Variants in ZNF407 observed in about 807,000 individuals in gnomAD.
ZNF407 encodes the protein zinc finger protein 407.
A neutral mutation model predicts 131.2 loss-of-function variants in ZNF407; 17 were observed. That is an observed-to-expected ratio of 0.13 (90% confidence interval 0.09 to 0.19). The LOEUF is 0.19. ZNF407 is among the 10% of genes least tolerant of loss of function. The pLI, the probability that ZNF407 is intolerant of heterozygous loss-of-function variation, is 1.00. For missense variants in ZNF407, 2,681 were observed against 2,830.6 expected (o/e 0.95, Z 1.20); for synonymous variants, 1,156 against 1,062.0 (o/e 1.09, Z -1.72).
intron 3 of ZNF407, among the ~76,000 whole-genome samples, chr18:74,652,696 G>A (rs1044478499): frequency 2.6e-5 from 4 of 151,894 alleles, no homozygotes; most frequent in African/African-American, 7.3e-5. Context: ...ACAACTTCCC[G>A]AGGTGCTTCC....
intron 4 of ZNF407, among the ~76,000 whole-genome samples, chr18:74,864,492 A>G (rs1970982633): frequency 6.6e-6 from 1 of 152,168 alleles, no homozygotes; most frequent in Non-Finnish European, 1.5e-5. Flanking sequence ...TCCAGTTTTG[A>G]ATATGTCATT....
rs753216016 is a variant in ZNF407 at position 74,631,527 on chromosome 18, C to G, written c.508C>G (p.Pro170Ala). ...TCTGGAAAGAGAATCTCCTTTCCCC[C>G]CGAAAGAAATTAGTGTTAGTTGTAC... Reference protein sequence around the residue: ...LDLERESPFPPKEISVSCTIG... With the variant: ...LDLERESPFPAKEISVSCTIG... The change falls in exon 2 of 9, where the codon CCG (proline) becomes GCG (alanine). Residue 170 changes from proline (P) to alanine (A), a missense_variant. Physicochemically the swap from Pro to Ala is conservative, Grantham distance 27. This residue lies in a region of ZNF407 where 1,789 missense variants were observed against 1,748.7 expected (regional missense o/e 1.02). Coordinates refer to ENST00000299687, the MANE Select transcript of ZNF407 (RefSeq NM_017757.3). The G allele has an allele frequency of 4.3e-6, 7 of 1,613,802 alleles. No homozygotes were observed. In the East Asian group the frequency reaches 1.6e-4, roughly 36 times the overall value.
At chr18:74,693,638 A>G (rs1967282447) in intron 3 of ZNF407, among the ~76,000 whole-genome samples, 1 of 152,080 alleles carries the variant, frequency 6.6e-6, no homozygotes, top group South Asian at 2.1e-4. Context: ...GTTTCTGTTC[A>G]CTAAGATTTC....
intron 3 of ZNF407, among the ~76,000 whole-genome samples, chr18:74,779,109 A>ATTTTTT (rs869191171): frequency 1.2e-4 from 3 of 24,376 alleles, no homozygotes; most frequent in African/African-American, 4.2e-4. Flanking sequence ...ATATATATAT[A>ATTTTTT]TTTTTTTTTT....
chr18:74,777,749 C>CTT (rs1168993562), intron 3 of ZNF407, among the ~76,000 whole-genome samples: 1 of 88,042 alleles, frequency 1.1e-5, no homozygotes, highest in Middle Eastern at 6.4e-3. Flanking sequence ...CTCTCTCTCT[C>CTT]TCATTCACTC....
chr18:75,038,421 T>C (rs1973334859), intron 8 of ZNF407, among the ~76,000 whole-genome samples: 3 of 152,190 alleles, frequency 2.0e-5, no homozygotes, highest in Admixed American at 1.3e-4. Flanking sequence ...TGTACTCCTT[T>C]GTTTCTTAGC....
chr18:74,807,230 A>T (rs937877846), intron 4 of ZNF407, among the ~76,000 whole-genome samples: 2 of 152,214 alleles, frequency 1.3e-5, no homozygotes, highest in Non-Finnish European at 2.9e-5. Flanking sequence ...GAAAGGCAGC[A>T]TTAAAGAGTA....
intron 4 of ZNF407, among the ~76,000 whole-genome samples, chr18:74,781,966 C>A (rs1969611653): frequency 6.6e-6 from 1 of 152,150 alleles, no homozygotes; most frequent in South Asian, 2.1e-4. Flanking sequence ...GTTGCCATGT[C>A]ATGAAAAATA....
At chr18:74,854,895 C>G (rs961295409) in intron 4 of ZNF407, among the ~76,000 whole-genome samples, 6 of 152,104 alleles carry the variant, frequency 3.9e-5, no homozygotes, top group African/African-American at 1.4e-4. Context: ...ATTTCTGTTT[C>G]TCATATTAAA....
At chr18:74,768,963 C>G (rs892697452) in intron 3 of ZNF407, among the ~76,000 whole-genome samples, 7 of 152,142 alleles carry the variant, frequency 4.6e-5, no homozygotes, top group Admixed American at 4.6e-4. Context: ...CATCCTTCCT[C>G]TTGTCTTTGG....
At chr18:74,753,314 T>G (rs550521370) in intron 3 of ZNF407, among the ~76,000 whole-genome samples, 102 of 152,340 alleles carry the variant, frequency 6.7e-4, no homozygotes, top group Non-Finnish European at 1.2e-3. Flanking sequence ...ACAGGCACAA[T>G]TTGACTTCCT....
At chr18:74,996,782 C>T (rs113808637) in intron 8 of ZNF407, among the ~76,000 whole-genome samples, 2 of 152,174 alleles carry the variant, frequency 1.3e-5, no homozygotes, top group Admixed American at 1.3e-4. Context: ...TAAAAACTAT[C>T]GTACTTTATT....
chr18:74,633,155 T>C lies in ZNF407; in HGVS notation c.2136T>C (p.Tyr712=). 3 of 1,613,108 alleles carry C rather than the reference T, an allele frequency of 1.9e-6. No individual in the cohort carries two copies. Among genetic ancestry groups the C allele is most frequent in the South Asian group, 1.1e-5 (1 of 90,844 alleles). Residue 712 remains tyrosine (Y), a synonymous_variant, in exon 2 of 9, where the codon TAT becomes TAC. Transcript: ENST00000299687. ...KPQFQCKKCF[Y]KTRSSTVLTR... ...AGTTTCAGTGTAAGAAGTGTTTTTA[T>C]AAAACAAGATCTTCTACTGTTCTCA...
intron 4 of ZNF407, among the ~76,000 whole-genome samples, chr18:74,813,479 C>G (rs918175005): frequency 7.2e-5 from 11 of 152,166 alleles, no homozygotes; most frequent in Non-Finnish European, 1.5e-4. Context: ...CACCCCACAC[C>G]CACCACCTCA....
At chr18:74,691,201 AC>A (rs1967214249) in intron 3 of ZNF407, among the ~76,000 whole-genome samples, 1 of 151,792 alleles carries the variant, frequency 6.6e-6, no homozygotes, top group South Asian at 2.1e-4. Context: ...ATTGCTTGAA[AC>A]CAGGAGGTGG....
intron 3 of ZNF407, among the ~76,000 whole-genome samples, chr18:74,741,692 C>G (rs1968553946): frequency 6.6e-6 from 1 of 152,066 alleles, no homozygotes; most frequent in Non-Finnish European, 1.5e-5. Context: ...ACATTTCAAA[C>G]AATAGTAAAT....
At chr18:74,984,094 T>C (rs1220632957) in intron 8 of ZNF407, among the ~76,000 whole-genome samples, 2 of 152,232 alleles carry the variant, frequency 1.3e-5, no homozygotes, top group Non-Finnish European at 2.9e-5. Context: ...AAAATCAAAT[T>C]GACTTTAGAA....
At chr18:74,825,791 G>T (rs974719391) in intron 4 of ZNF407, among the ~76,000 whole-genome samples, 1 of 152,092 alleles carries the variant, frequency 6.6e-6, no homozygotes, top group Admixed American at 6.5e-5. Flanking sequence ...CTAATTTTCT[G>T]TCTGTTTGTT....
chr18:74,895,438 G>A (rs912196940), intron 7 of ZNF407, among the ~76,000 whole-genome samples: 1 of 151,956 alleles, frequency 6.6e-6, no homozygotes, highest in African/African-American at 2.4e-5. Context: ...ACCACCATTT[G>A]ATATATGTAT....
Sources: gnomAD v4.1 joint callset for allele counts (sites outside exome capture counted in the v4.1 genomes callset) on GRCh38, gnomAD v4.1.1 for gene constraint, gnomAD v4.1.1 regional missense constraint, MANE v1.5 for transcripts, NCBI Gene and HGNC (gene_info 2026-07-23, HGNC 2026-07-21) for gene names.